The following GPN1 variants were observed in gnomAD, a reference collection of about 807,000 sequenced individuals.
The protein encoded by GPN1 is GPN-loop GTPase 1.
Under a neutral mutation model 55.9 loss-of-function variants are expected in GPN1, and 44 were observed. The ratio of observed to expected loss-of-function variants is 0.79; its 90% CI spans 0.62 to 1.01. The LOEUF (loss-of-function observed/expected upper bound fraction) is 1.01. Among genes scored for constraint, GPN1 ranks in the 50% least tolerant of loss-of-function variants. The pLI is 0.00. For synonymous variants in GPN1, 179 were observed against 162.5 expected (o/e 1.10, Z -0.77); for missense variants, 466 against 462.8 (o/e 1.01, Z -0.06).
intron 9 of GPN1, among the ~76,000 whole-genome samples, 191 bp downstream of exon 9, chr2:27,639,222 C>CT (rs1673850429): frequency 6.6e-6 from 1 of 152,128 alleles, no homozygotes; most frequent in African/African-American, 2.4e-5. Context: ...AGTTTATAGT[C>CT]TATTTGGGAG....
chr2:27,637,370 G>A (rs1269517147), intron 7 of GPN1, among the ~76,000 whole-genome samples: 1 of 152,016 alleles, frequency 6.6e-6, no homozygotes, highest in Non-Finnish European at 1.5e-5. Flanking sequence ...GGGTGGCAGA[G>A]GTGGAAGAAA....
chr2:27,649,268 CAAAA>C lies in GPN1; in HGVS notation c.1040-843_1040-840del, dbSNP rs996492260. ...CTCAAAAAACAAACAAACAAACAAA[CAAAA>C]AAACACGAAAACCACCATACGATTT... On this transcript the variant is annotated intron_variant, in intron 13 of 13. Transcript: ENST00000610189. Among the ~76,000 whole-genome samples, 44 of 150,508 alleles carry C rather than the reference CAAAA, an allele frequency of 2.9e-4. 1 individual carries two copies. Among genetic ancestry groups the C allele is most frequent in the African/African-American group, 1.0e-3 (41 of 41,146 alleles).
upstream of GPN1, chr2:27,628,936 G>A (rs1324656966): frequency 1.5e-5 from 22 of 1,516,130 alleles, no homozygotes; most frequent in South Asian, 7.8e-5. Flanking sequence ...CCTGGCAACC[G>A]CCGCGCCCCT....
At chr2:27,629,033 G>C (rs756668614), upstream of GPN1, 1 of 1,614,048 alleles carries the variant, frequency 6.2e-7, no homozygotes, top group South Asian at 1.1e-5. Flanking sequence ...TGTCTCTATG[G>C]TCGGGTGGGT....
At chr2:27,628,950 C>A (rs1433997228), upstream of GPN1, 41 of 1,554,046 alleles carry the variant, frequency 2.6e-5, no homozygotes, top group Non-Finnish European at 3.4e-5. Context: ...CGCCCCTCAC[C>A]CGCTCCTTTC....
At chr2:27,647,385 A>C (rs757790887) in intron 12 of GPN1, among the ~76,000 whole-genome samples, 2 of 152,084 alleles carry the variant, frequency 1.3e-5, no homozygotes, top group African/African-American at 4.8e-5. Context: ...TGGCTCCTTG[A>C]TAACATTTCA....
At chr2:27,644,493 C>A (rs1479516273) in intron 12 of GPN1, among the ~76,000 whole-genome samples, 4 of 151,900 alleles carry the variant, frequency 2.6e-5, no homozygotes, top group African/African-American at 9.7e-5. Flanking sequence ...GATTTTAAGT[C>A]ACAGTTAGGA....
chr2:27,647,861 TTC>T lies in GPN1; in HGVS notation c.959_960del (p.Ser320Ter), dbSNP rs760940637. ...KDSLSPVLHP[S>X]DLILTRGTLD... is the part of the protein sequence containing the mutation. ...ACAGCTTATCTCCTGTGCTGCACCC[TTC>T]TGATTTGATCCTGACTCGAGGAACC... On this transcript the variant is annotated frameshift_variant, in exon 13 of 14. Coordinates refer to ENST00000610189, the MANE Select transcript of GPN1 (RefSeq NM_007266.4). LOFTEE classifies it high-confidence loss of function. 1.9e-6 allele frequency: 3 copies of T among 1,612,650 alleles called. No homozygotes were observed. The highest frequency in any genetic ancestry group is 2.5e-6 in the Non-Finnish European group (3 of 1,178,772).
chr2:27,630,964 C>G (rs1673524756), intron 2 of GPN1, 63 bp from the exon 3 acceptor site: 2 of 815,188 alleles, frequency 2.5e-6, no homozygotes, highest in African/African-American at 1.7e-5. Context: ...GCCAGTTTTA[C>G]TTTCCTGGTG....
chr2:27,635,298 C>CTATTTTT, intron 7 of GPN1, 64 bp downstream of exon 7: 11 of 445,268 alleles, frequency 2.5e-5, no homozygotes, highest in East Asian at 5.0e-5. Context: ...CTTCTTCTTC[C>CTATTTTT]TCTTTTTTTT....
chr2:27,631,848 C>T lies in GPN1; in HGVS notation c.260C>T (p.Pro87Leu), dbSNP rs1464016560. 1 of 1,599,068 alleles carries T rather than the reference C, an allele frequency of 6.3e-7. No homozygotes were observed. Among genetic ancestry groups the T allele is most frequent in the Admixed American group, 1.7e-5 (1 of 60,000 alleles). Residue 87 changes from proline to leucine, a missense_variant, in exon 4 of 14, where the codon CCC becomes CTC. By Grantham distance (98) the Pro-to-Leu change is moderately conservative (BLOSUM62 -3). Transcript: ENST00000610189. ...TTGGTGTCTAGATATGGACTTGGAC[C>T]CAATGGCGGCATAGTGACCTCACTC... ...KEVMKQYGLGPNGGIVTSLNL... is the reference protein window; with the variant it reads ...KEVMKQYGLGLNGGIVTSLNL...
At chr2:27,649,437 C>T (rs573908679) in intron 13 of GPN1, among the ~76,000 whole-genome samples, 11 of 146,094 alleles carry the variant, frequency 7.5e-5, no homozygotes, top group African/African-American at 2.7e-4. Context: ...GTTTGATGAG[C>T]TTTAATAAAT....
chr2:27,632,786 T>G, intron 5 of GPN1, 116 bp downstream of exon 5: 1 of 715,198 alleles, frequency 1.4e-6, no homozygotes, highest in Non-Finnish European at 2.4e-6. Flanking sequence ...ATGAAACCAT[T>G]AGGAGTGAAA....
intron 12 of GPN1, 42 bp from the exon 13 acceptor site, chr2:27,647,794 C>T (rs771518792): frequency 1.7e-6 from 2 of 1,165,502 alleles, no homozygotes; most frequent in South Asian, 1.2e-5. Flanking sequence ...TCAAGATCAC[C>T]TTTTTGAGGA....
intron 7 of GPN1, 86 bp downstream of exon 7, chr2:27,635,320 T>G: frequency 1.5e-6 from 1 of 675,894 alleles, no homozygotes; most frequent in Non-Finnish European, 2.6e-6. Flanking sequence ...TTTTTTTGAA[T>G]CTGGTTGCTT....
chr2:27,639,987 T>G, intron 9 of GPN1, 56 bp from the exon 10 acceptor site: 1 of 1,120,380 alleles, frequency 8.9e-7, no homozygotes, highest in Non-Finnish European at 1.4e-6. Flanking sequence ...GTTAATGTAC[T>G]TCATTAAAAA....
chr2:27,643,384 T>A lies in GPN1; in HGVS notation c.931+865T>A, dbSNP rs1172739144. Among the ~76,000 whole-genome samples, 1 of 152,080 alleles carries A rather than the reference T, an allele frequency of 6.6e-6. No homozygotes were observed. Among genetic ancestry groups the A allele is most frequent in the East Asian group, 1.9e-4 (1 of 5,198 alleles). ...ATATATTTTTCCTGAATCATTTGAG[T>A]AAGTTACAGATATAATACTCTTTTA... On this transcript the variant is annotated intron_variant, in intron 12 of 13. Transcript: ENST00000610189. This position sits in a 1 kb window ranked among gnomAD's most constrained non-coding sequence, Gnocchi z 4.0.
chr2:27,647,903 T>G lies in GPN1; in HGVS notation c.999T>G (p.Asp333Glu), dbSNP rs745744892. The change falls in exon 13 of 14, where the codon GAT (aspartate) becomes GAG (glutamate). Residue 333 changes from aspartate (D) to glutamate (E), a missense_variant. Coordinates refer to ENST00000610189, the MANE Select transcript of GPN1 (RefSeq NM_007266.4). ...ILTRGTLDEE[D>E]EEADSDTDDI... Reference sequence around the variant, plus strand: ...CTCGAGGAACCTTGGATGAAGAGGATGAGGAAGCAGACAGCGATACTGATG... The same window carrying G: ...CTCGAGGAACCTTGGATGAAGAGGAGGAGGAAGCAGACAGCGATACTGATG... 1 of 1,613,582 alleles carries G rather than the reference T, an allele frequency of 6.2e-7. No individual in the cohort carries two copies. Among genetic ancestry groups the G allele is most frequent in the Admixed American group, 1.7e-5 (1 of 60,016 alleles).
At chr2:27,631,739 A>G (rs922655815) in intron 3 of GPN1, 95 bp from the exon 4 acceptor site, 2 of 796,690 alleles carry the variant, frequency 2.5e-6, no homozygotes, top group Non-Finnish European at 4.5e-6. Context: ...TTAATGGAAC[A>G]CTAATTTCAT....
Sources: allele counts gnomAD v4.1 joint callset (sites outside exome capture counted in the v4.1 genomes callset), GRCh38; gene constraint gnomAD v4.1.1; non-coding constraint Gnocchi (gnomAD v3.1); transcripts MANE v1.5; gene names NCBI Gene and HGNC (gene_info 2026-07-23, HGNC 2026-07-21).